Variants in RNGTT observed in about 807,000 individuals in gnomAD.
RNGTT encodes RNA guanylyltransferase and 5'-phosphatase.
Under a neutral mutation model 79.3 loss-of-function variants are expected in RNGTT, and 33 were observed. The ratio of observed to expected loss-of-function variants is 0.42; its 90% CI spans 0.32 to 0.56. The LOEUF is 0.56. RNGTT is among the 20% of genes least tolerant of loss of function. RNGTT has a pLI of 0.17. For missense variants in RNGTT, 497 were observed against 739.1 expected (o/e 0.67, Z 3.80); for synonymous variants, 222 against 235.9 (o/e 0.94, Z 0.54).
chr6:88,841,556 C>T (rs1173039065), intron 11 of RNGTT, among the ~76,000 whole-genome samples: 2 of 152,126 alleles, frequency 1.3e-5, no homozygotes, highest in East Asian at 3.9e-4. Flanking sequence ...GACCATGGTT[C>T]TTCATGGCCA....
At chr6:88,722,519 C>T (rs1006284486) in intron 13 of RNGTT, among the ~76,000 whole-genome samples, 28 of 152,164 alleles carry the variant, frequency 1.8e-4, no homozygotes, top group Admixed American at 1.8e-3. Flanking sequence ...TGAACAAAAG[C>T]TGCTGGAGTC....
At chr6:88,935,902 T>C (rs1415268111) in intron 2 of RNGTT, among the ~76,000 whole-genome samples, 1 of 152,160 alleles carries the variant, frequency 6.6e-6, no homozygotes, top group Admixed American at 6.5e-5. Flanking sequence ...CTACTGATTT[T>C]TGTATGTTGA....
intron 12 of RNGTT, among the ~76,000 whole-genome samples, chr6:88,783,545 A>G (rs1312785424): frequency 6.6e-6 from 1 of 152,184 alleles, no homozygotes; most frequent in African/African-American, 2.4e-5. Context: ...TATACGTCAA[A>G]AAAGTTAAAT....
chr6:88,878,558 A>G (rs1445858033), intron 8 of RNGTT, among the ~76,000 whole-genome samples: 9 of 152,176 alleles, frequency 5.9e-5, no homozygotes, highest in Non-Finnish European at 1.5e-5. Flanking sequence ...TAAAAAAGTA[A>G]AAGTCCTTCC....
intron 13 of RNGTT, among the ~76,000 whole-genome samples, chr6:88,723,343 T>A (rs746481965): frequency 3.3e-5 from 5 of 152,218 alleles, no homozygotes. Context: ...TTCTGACAGA[T>A]GGCTAATCAC....
At chr6:88,625,168 C>T (rs1189917111) in intron 14 of RNGTT, among the ~76,000 whole-genome samples, 3 of 151,826 alleles carry the variant, frequency 2.0e-5, no homozygotes, top group Admixed American at 2.0e-4. Context: ...AACAGTTTGG[C>T]AGTTTCTTTA....
In RNGTT at chr6:88,764,230, TAACA is replaced by T. The variant is rs1263097488; in HGVS notation, c.1439+5540_1439+5543del. Among the ~76,000 whole-genome samples, 22 of 152,260 alleles carry T rather than the reference TAACA, an allele frequency of 1.4e-4. 1 individual carries two copies. ...CTTTTTCATCTCTTCAGTTCTTTCG[TAACA>T]GACAATTCTTCAACTAAATTCATTC... On this transcript the variant is annotated intron_variant, in intron 13 of 15. Coordinates refer to ENST00000369485, the MANE Select transcript of RNGTT (RefSeq NM_003800.5).
chr6:88,932,381 G>C (rs970423882), intron 2 of RNGTT, among the ~76,000 whole-genome samples: 6 of 152,132 alleles, frequency 3.9e-5, no homozygotes, highest in Admixed American at 3.3e-4. Context: ...CCCTGACCTT[G>C]TGATCTCACC....
chr6:88,843,897 A>G (rs1489207247), intron 11 of RNGTT, among the ~76,000 whole-genome samples: 2 of 150,096 alleles, frequency 1.3e-5, no homozygotes, highest in African/African-American at 4.9e-5. Flanking sequence ...CAAAAATACT[A>G]AAAGAAAACC....
chr6:88,925,153 T>C (rs937775201), intron 4 of RNGTT, among the ~76,000 whole-genome samples: 6 of 152,046 alleles, frequency 3.9e-5, no homozygotes, highest in Admixed American at 2.0e-4. Flanking sequence ...CTTGTTAGTA[T>C]AGCAGTGACA....
At chr6:88,671,184 T>C (rs1361840570) in intron 14 of RNGTT, among the ~76,000 whole-genome samples, 1 of 152,200 alleles carries the variant, frequency 6.6e-6, no homozygotes, top group African/African-American at 2.4e-5. Flanking sequence ...GCTGATGATA[T>C]GATTGTATAC....
At chr6:88,832,662 G>A (rs1780912725) in intron 11 of RNGTT, among the ~76,000 whole-genome samples, 1 of 152,038 alleles carries the variant, frequency 6.6e-6, no homozygotes, top group East Asian at 1.9e-4. Context: ...AGAGAATGGA[G>A]AAAATTTTTA....
intron 8 of RNGTT, among the ~76,000 whole-genome samples, chr6:88,861,229 G>C (rs1438899965): frequency 6.6e-6 from 1 of 152,096 alleles, no homozygotes; most frequent in African/African-American, 2.4e-5. Context: ...ATAAATTCAA[G>C]TATACTAAAA....
At chr6:88,722,734 A>G (rs1040099041) in intron 13 of RNGTT, among the ~76,000 whole-genome samples, 4 of 152,220 alleles carry the variant, frequency 2.6e-5, no homozygotes, top group African/African-American at 7.2e-5. Flanking sequence ...TGGGAGAAGA[A>G]AAGTAACTAT....
At chr6:88,865,037 T>C (rs1782124320) in intron 8 of RNGTT, among the ~76,000 whole-genome samples, 1 of 152,122 alleles carries the variant, frequency 6.6e-6, no homozygotes, top group Non-Finnish European at 1.5e-5. Flanking sequence ...ATGAATGTAC[T>C]TAATACCACT....
At chr6:88,785,209 G>A (rs1207817361) in intron 12 of RNGTT, among the ~76,000 whole-genome samples, 1 of 151,782 alleles carries the variant, frequency 6.6e-6, no homozygotes, top group Non-Finnish European at 1.5e-5. Flanking sequence ...TACCCTCTAG[G>A]AATTCACCGC....
intron 13 of RNGTT, among the ~76,000 whole-genome samples, chr6:88,737,885 C>T (rs1226770632): frequency 1.3e-5 from 2 of 152,102 alleles, no homozygotes; most frequent in East Asian, 3.8e-4. Flanking sequence ...CAAATTATTA[C>T]CAATGTTAAA....
intron 11 of RNGTT, among the ~76,000 whole-genome samples, chr6:88,827,201 G>A (rs6906537): frequency 0.61 from 93,198 of 151,844 alleles, 30,116 homozygotes; most frequent in African/African-American, 0.83. Context: ...GGCTCATCTC[G>A]TTGGGATTGG....
At chr6:88,772,599 C>G (rs1254292994) in intron 12 of RNGTT, among the ~76,000 whole-genome samples, 1 of 146,188 alleles carries the variant, frequency 6.8e-6, no homozygotes, top group Non-Finnish European at 1.5e-5. Context: ...TATCCAGAAT[C>G]TACAATGAAC....
Sources: allele counts gnomAD v4.1 joint callset (sites outside exome capture counted in the v4.1 genomes callset), GRCh38; gene constraint gnomAD v4.1.1; transcripts MANE v1.5; gene names NCBI Gene and HGNC (gene_info 2026-07-23, HGNC 2026-07-21).